Variants in NETO1 observed in about 807,000 individuals in gnomAD.
The protein encoded by NETO1 is neuropilin and tolloid-like protein 1.
NETO1 carries 26 observed loss-of-function variants against 61.3 expected under a neutral mutation model. The ratio of observed to expected loss-of-function variants is 0.42; its 90% confidence interval spans 0.31 to 0.59. The LOEUF (loss-of-function observed/expected upper bound fraction) is 0.59, where lower values mean the gene tolerates loss of function less well. NETO1 is among the 20% of genes least tolerant of loss of function. The pLI, the probability that NETO1 is intolerant of heterozygous loss-of-function variation, is 0.12. For missense variants in NETO1, 531 were observed against 662.8 expected (o/e 0.80, Z 2.18); for synonymous variants, 225 against 225.8 (o/e 1.00, Z 0.03).
chr18:72,750,100 G>T lies in NETO1; in HGVS notation c.1503C>A (p.Thr501=). The change falls in exon 9 of 11, where the codon ACC becomes ACA. Residue 501 remains threonine, a synonymous_variant. Coordinates refer to ENST00000327305, the MANE Select transcript of NETO1 (RefSeq NM_138966.5). ...DIDEIEEVPT[T]SHRLSRHDKA... ...TATCGTGTCTGGACAGCCTGTGACTGGTGGTCGGCACCTCTTCGATTTCAT... is the reference window on the plus strand; with the variant it reads ...TATCGTGTCTGGACAGCCTGTGACTTGTGGTCGGCACCTCTTCGATTTCAT... 2 of 1,607,880 alleles carry T rather than the reference G, an allele frequency of 1.2e-6. No individual in the cohort carries two copies. Among genetic ancestry groups the T allele is most frequent in the East Asian group, 2.2e-5 (1 of 44,840 alleles).
chr18:72,853,681 C>A (rs1276682047), intron 4 of NETO1, among the ~76,000 whole-genome samples: 1 of 151,318 alleles, frequency 6.6e-6, no homozygotes, highest in Non-Finnish European at 1.5e-5. Flanking sequence ...TCACTGAAAC[C>A]CGGAGGCAGA....
intron 7 of NETO1, among the ~76,000 whole-genome samples, chr18:72,776,111 T>C (rs563944592): frequency 1.1e-4 from 17 of 152,314 alleles, no homozygotes; most frequent in Non-Finnish European, 2.2e-4. Context: ...TTCAAGGGCA[T>C]GGCCCTGGCT....
chr18:72,775,201 C>CTAGGCTTGAGTAT (rs2071506125), intron 7 of NETO1, among the ~76,000 whole-genome samples: 1 of 152,190 alleles, frequency 6.6e-6, no homozygotes, highest in Admixed American at 6.5e-5. Context: ...CAAGTAAATA[C>CTAGGCTTGAGTAT]TTACCCTTTT....
chr18:72,865,051 ATGT>A (rs1390629917), intron 2 of NETO1, 106 bp from the exon 3 acceptor site: 14 of 1,431,720 alleles, frequency 9.8e-6, no homozygotes, highest in Non-Finnish European at 1.3e-5. Flanking sequence ...TAATTTTTAA[ATGT>A]TGTCTTAGCC....
Position 72,783,718 on chromosome 18 carries a change from T to C in NETO1, c.828A>G (p.Arg276=), listed in dbSNP as rs1224924428. ...TGAAGAGCATCTGAAATCGGCTGTT[T>C]CGACTGCCCTCATCTGCCCACATGC... ...VIRMWADEGS[R]NSRFQMLFTS... Residue 276 remains arginine, a synonymous_variant, in exon 7 of 11, where the codon CGA becomes CGG. Transcript: ENST00000327305. 1.9e-6 allele frequency: 3 copies of C among 1,614,172 alleles called. No individual in the cohort carries two copies.
intron 7 of NETO1, among the ~76,000 whole-genome samples, chr18:72,772,291 T>C (rs1352481759): frequency 6.6e-6 from 1 of 152,194 alleles, no homozygotes; most frequent in African/African-American, 2.4e-5. Flanking sequence ...GATAGTTTCC[T>C]GTTTAACTCA....
chr18:72,794,025 G>C (rs2072227795), intron 6 of NETO1, 92 bp downstream of exon 6: 2 of 1,513,594 alleles, frequency 1.3e-6, no homozygotes, highest in Non-Finnish European at 1.8e-6. Flanking sequence ...ACTCTGAAAT[G>C]TATTAGACAC....
At chr18:72,862,032 G>A (rs1438108506) in intron 3 of NETO1, among the ~76,000 whole-genome samples, 3 of 152,100 alleles carry the variant, frequency 2.0e-5, no homozygotes, top group African/African-American at 7.2e-5. Flanking sequence ...TGACCCTCCT[G>A]CCTAACTCTC....
chr18:72,861,587 T>C (rs1207630154), intron 3 of NETO1, among the ~76,000 whole-genome samples: 3 of 152,220 alleles, frequency 2.0e-5, no homozygotes, highest in African/African-American at 4.8e-5. Flanking sequence ...CACTTTCACC[T>C]GGATAGTGCA....
intron 7 of NETO1, among the ~76,000 whole-genome samples, chr18:72,776,434 A>T (rs2071550668): frequency 6.6e-6 from 1 of 152,192 alleles, no homozygotes. Context: ...CAAAGAAACC[A>T]AACCATGGCA....
intron 8 of NETO1, among the ~76,000 whole-genome samples, 175 bp from the exon 9 acceptor site, chr18:72,750,795 G>T (rs1384139378): frequency 6.7e-6 from 1 of 148,354 alleles, no homozygotes; most frequent in African/African-American, 2.5e-5. Context: ...ACAAGGTCTC[G>T]TTTTTCACCA....
intron 6 of NETO1, among the ~76,000 whole-genome samples, chr18:72,786,329 T>C (rs1193603997): frequency 2.0e-5 from 3 of 152,148 alleles, no homozygotes; most frequent in Non-Finnish European, 4.4e-5. Flanking sequence ...GAAAATAGAA[T>C]GTGAAGTTCT....
intron 7 of NETO1, 144 bp from the exon 8 acceptor site, chr18:72,756,291 A>T: frequency 7.5e-6 from 4 of 535,628 alleles, no homozygotes; most frequent in Non-Finnish European, 1.4e-5. Flanking sequence ...ATTTTCAGAA[A>T]CGGTGCCGTA....
rs755533317 is a variant in NETO1, at chr18:72,859,034, C to G, written c.261G>C (p.Lys87Asn). ...ACTCCCAAGACGGTTCAATAGAGTACTTTTCATCAAAGTAAAGTTCAATGC... is the reference window on the plus strand; with the variant it reads ...ACTCCCAAGACGGTTCAATAGAGTAGTTTTCATCAAAGTAAAGTTCAATGC... ...RQCIELYFDE[K>N]YSIEPSWECK... is the part of the protein sequence containing the mutation. The change falls in exon 4 of 11, where the codon AAG becomes AAC. Residue 87 changes from lysine (K) to asparagine (N), a missense_variant. Coordinates refer to ENST00000327305, the MANE Select transcript of NETO1 (RefSeq NM_138966.5). The G allele has an allele frequency of 6.2e-7, 1 of 1,613,390 alleles. No individual in the cohort carries two copies. Among genetic ancestry groups the G allele is most frequent in the South Asian group, 1.1e-5 (1 of 90,920 alleles).
intron 4 of NETO1, among the ~76,000 whole-genome samples, chr18:72,844,251 A>C (rs1365535055): frequency 1.3e-5 from 2 of 152,182 alleles, no homozygotes; most frequent in Non-Finnish European, 2.9e-5. Context: ...TTCTTCTTTC[A>C]CTACATTGTC....
chr18:72,813,275 A>G (rs1599053652), intron 4 of NETO1, among the ~76,000 whole-genome samples: 1 of 152,206 alleles, frequency 6.6e-6, no homozygotes, highest in East Asian at 1.9e-4. Context: ...TAAACCATAC[A>G]TTTAAGTGAC....
intron 6 of NETO1, 148 bp from the exon 7 acceptor site, chr18:72,784,054 C>T (rs1452008911): frequency 2.4e-5 from 15 of 629,756 alleles, no homozygotes; most frequent in South Asian, 6.0e-5. Context: ...AGAAGATGTA[C>T]GATAAGAACA....
chr18:72,828,245 AG>A (rs778290081), intron 4 of NETO1, among the ~76,000 whole-genome samples: 1 of 152,174 alleles, frequency 6.6e-6, no homozygotes, highest in Non-Finnish European at 1.5e-5. Flanking sequence ...CAGGAGGCGA[AG>A]GTTTCAATGA....
chr18:72,815,648 G>A (rs964438721), intron 4 of NETO1, among the ~76,000 whole-genome samples: 12 of 152,256 alleles, frequency 7.9e-5, no homozygotes, highest in African/African-American at 2.9e-4. Context: ...TAAGACTGAC[G>A]ACATCGAGTT....
Sources: allele counts gnomAD v4.1 joint callset (sites outside exome capture counted in the v4.1 genomes callset), GRCh38; gene constraint gnomAD v4.1.1; transcripts MANE v1.5; gene names NCBI Gene and HGNC (gene_info 2026-07-23, HGNC 2026-07-21).